POGZ: variants seen among roughly 807,000 people sequenced by gnomAD.
POGZ encodes the protein pogo transposable element derived with ZNF domain.
A neutral mutation model predicts 134.6 loss-of-function variants in POGZ; 17 were observed. The observed-to-expected ratio is 0.13, with a 90% CI of 0.09 to 0.19. POGZ has a LOEUF of 0.19. POGZ is among the 10% of genes least tolerant of loss of function. POGZ has a pLI of 1.00. For missense variants in POGZ, 1,306 were observed against 1,769.7 expected (o/e 0.74, Z 4.70); for synonymous variants, 693 against 657.1 (o/e 1.05, Z -0.84).
In POGZ at chr1:151,416,501, C is replaced by CA. The variant is rs562543793; in HGVS notation, c.1679-4106dup. On this transcript the variant is annotated intron_variant, in intron 10 of 18. Coordinates refer to ENST00000271715, the MANE Select transcript of POGZ (RefSeq NM_015100.4). The stretch of plus-strand genomic sequence containing the variant: ...TGTGTGACAGGGTGAGATTCTGTCT[C>CA]AAAAAAGACTAAGAATCAGCATTAG... 4.6e-3 allele frequency among the ~76,000 whole-genome samples: 700 copies of CA among 151,660 alleles called. 17 individuals are homozygous for CA. The highest frequency in any genetic ancestry group is 1.5e-3 in the Non-Finnish European group (105 of 67,924).
rs762774439 is a variant in POGZ at position 151,408,260 on chromosome 1, A to G, written c.2235-20T>C. On this transcript the variant is annotated intron_variant, in intron 14 of 18. Transcript: ENST00000271715. Reference sequence around the variant, plus strand: ...ACACTCCTGTGGGGGAAAAAAAAAAAGAATTCTCATTACTGCCTCATGGGT... The same window carrying G: ...ACACTCCTGTGGGGGAAAAAAAAAAGGAATTCTCATTACTGCCTCATGGGT... The G allele has an allele frequency of 1.2e-5, 20 of 1,600,928 alleles. No homozygotes were observed. Among genetic ancestry groups the G allele is most frequent in the Middle Eastern group, 1.7e-4 (1 of 5,992 alleles).
chr1:151,426,786 T>C (rs138108695), intron 7 of POGZ: 5 of 152,262 alleles, frequency 3.3e-5, no homozygotes, highest in Non-Finnish European at 2.9e-5. Flanking sequence ...ATAATTTTTC[T>C]AAGAGTCTTA....
chr1:151,453,332 C>G (rs578136962), intron 1 of POGZ, among the ~76,000 whole-genome samples: 1 of 152,074 alleles, frequency 6.6e-6, no homozygotes, highest in Non-Finnish European at 1.5e-5. Context: ...CTGCTACATT[C>G]CACCTATCTC....
chr1:151,446,474 G>A (rs952902018), intron 1 of POGZ, among the ~76,000 whole-genome samples: 2 of 152,026 alleles, frequency 1.3e-5, no homozygotes, highest in African/African-American at 2.4e-5. Flanking sequence ...AGAGGAAAAC[G>A]GCCGGGCGCG....
chr1:151,407,823 A>T (rs949149505), intron 15 of POGZ, among the ~76,000 whole-genome samples: 2 of 152,068 alleles, frequency 1.3e-5, no homozygotes, highest in Non-Finnish European at 2.9e-5. Context: ...CAGCCTGGCC[A>T]ACAAGGTGAA....
chr1:151,435,414 A>G (rs1336187185), intron 3 of POGZ, among the ~76,000 whole-genome samples: 1 of 152,206 alleles, frequency 6.6e-6, no homozygotes, highest in Non-Finnish European at 1.5e-5. Context: ...CTACAGGAAT[A>G]ATTTTAAAAT....
At chr1:151,430,109 G>C (rs1401842929) in intron 4 of POGZ, among the ~76,000 whole-genome samples, 2 of 151,984 alleles carry the variant, frequency 1.3e-5, no homozygotes, top group African/African-American at 4.8e-5. Context: ...TGTTCCCAAA[G>C]TCTACTTCAA....
At chr1:151,406,738 T>C (rs1653721254) in intron 17 of POGZ, 107 bp from the exon 18 acceptor site, 2 of 1,075,106 alleles carry the variant, frequency 1.9e-6, no homozygotes, top group African/African-American at 1.6e-5. Flanking sequence ...CTGTTCGCAG[T>C]GACCAGCTTT....
At position 151,430,702 on chromosome 1, in the gene POGZ, G is replaced by A; in HGVS notation, c.423C>T (p.Ser141=). The A allele has an allele frequency of 1.9e-6, 3 of 1,609,246 alleles. No individual in the cohort carries two copies. The highest frequency in any genetic ancestry group is 1.1e-5 in the South Asian group (1 of 90,864). ...VMQNANHVTS[S]PVASQPIFIT... ...TAAATATTGGTTGTGAGGCCACAGGGGAACTAGTCACATGATTGGCATTCT... is the reference window on the plus strand; with the variant it reads ...TAAATATTGGTTGTGAGGCCACAGGAGAACTAGTCACATGATTGGCATTCT... Residue 141 remains serine, a synonymous_variant, in exon 4 of 19, where the codon TCC becomes TCT. Coordinates refer to ENST00000271715, the MANE Select transcript of POGZ (RefSeq NM_015100.4).
At position 151,406,178 on chromosome 1, in the gene POGZ, G is replaced by GGGTGAC. The variant is rs1382161024; in HGVS notation, c.2851_2856dup (p.Val951_Thr952dup). 6 of 1,614,138 alleles carry GGGTGAC rather than the reference G, an allele frequency of 3.7e-6. No homozygotes were observed. Among genetic ancestry groups the GGGTGAC allele is most frequent in the Non-Finnish European group, 5.1e-6 (6 of 1,180,006 alleles). On this transcript the variant is annotated inframe_insertion, in exon 19 of 19. Transcript: ENST00000271715. ...CCACCTGATGCTAGCTCAGGTTCTT[G>GGGTGAC]GGTGACTGGGCTCCCTTCATCCTGA... is the stretch of plus-strand genomic sequence containing the variant.
chr1:151,418,572 A>G (rs1302018285), intron 10 of POGZ, among the ~76,000 whole-genome samples: 4 of 152,226 alleles, frequency 2.6e-5, no homozygotes, highest in Admixed American at 1.3e-4. Flanking sequence ...TAAAATAGCT[A>G]GAAGAGAATA....
chr1:151,425,977 G>A (rs1186815985), intron 7 of POGZ, among the ~76,000 whole-genome samples: 1 of 152,090 alleles, frequency 6.6e-6, no homozygotes, highest in Admixed American at 6.6e-5. Flanking sequence ...CCAACAGTGC[G>A]TAAGGGTTCT....
chr1:151,458,756 C>G (rs1663103930), intron 1 of POGZ, among the ~76,000 whole-genome samples: 1 of 145,648 alleles, frequency 6.9e-6, no homozygotes, highest in Non-Finnish European at 1.5e-5. Context: ...CGAGACGCCT[C>G]GCGCCGAGCG....
intron 1 of POGZ, among the ~76,000 whole-genome samples, chr1:151,456,798 CAACCAGGGAGGA>C (rs1662826999): frequency 6.6e-6 from 1 of 152,170 alleles, no homozygotes; most frequent in South Asian, 2.1e-4. Flanking sequence ...ACTAAAAATA[CAACCAGGGAGGA>C]AGAGATTGCA....
intron 12 of POGZ, among the ~76,000 whole-genome samples, chr1:151,411,308 C>G (rs938310609): frequency 1.3e-5 from 2 of 152,190 alleles, no homozygotes; most frequent in East Asian, 3.9e-4. Context: ...CATTCTTATT[C>G]ATCCCTCAGG....
Position 151,424,159 on chromosome 1 carries a change from G to A in POGZ, c.1313C>T (p.Ser438Phe). Residue 438 changes from serine (S) to phenylalanine (F), a missense_variant, in exon 9 of 19, where the codon TCT becomes TTT. Physicochemically the swap from Ser to Phe is radical, Grantham distance 155. This residue lies in a region of POGZ where 541 missense variants were observed against 680.5 expected (regional missense o/e 0.80). Coordinates refer to ENST00000271715, the MANE Select transcript of POGZ (RefSeq NM_015100.4). ...CGGTGACAGAGCAGGAATAGGTGTA[G>A]AAGAGGGTGTGGAAGCAACAGGAGC... ...KTAPVASTPS[S>F]TPIPALSPPT... 1 of 1,614,140 alleles carries A rather than the reference G, an allele frequency of 6.2e-7. No individual in the cohort carries two copies. Among genetic ancestry groups the A allele is most frequent in the Non-Finnish European group, 8.5e-7 (1 of 1,180,008 alleles).
chr1:151,451,329 T>A (rs6669827), intron 1 of POGZ, among the ~76,000 whole-genome samples: 97,657 of 151,522 alleles, frequency 0.64, 35,096 homozygotes, highest in Non-Finnish European at 0.82. Flanking sequence ...TATTTTATTT[T>A]TTTTTAAATT....
At chr1:151,417,427 C>T (rs927354838) in intron 10 of POGZ, among the ~76,000 whole-genome samples, 1 of 150,978 alleles carries the variant, frequency 6.6e-6, no homozygotes, top group African/African-American at 2.4e-5. Flanking sequence ...ATGGTGTGAT[C>T]TCAGCTTACT....
intron 12 of POGZ, 50 bp downstream of exon 12, chr1:151,411,575 T>TAA: frequency 7.6e-7 from 1 of 1,311,516 alleles, no homozygotes; most frequent in Non-Finnish European, 1.1e-6. Context: ...GCATCCATGT[T>TAA]TAAAAAAAAA....
Sources: gnomAD v4.1 joint callset for allele counts (sites outside exome capture counted in the v4.1 genomes callset) on GRCh38, gnomAD v4.1.1 for gene constraint, gnomAD v4.1.1 regional missense constraint, MANE v1.5 for transcripts, NCBI Gene and HGNC (gene_info 2026-07-23, HGNC 2026-07-21) for gene names.